SEH1L: variants seen among roughly 807,000 people sequenced by gnomAD.
SEH1L encodes the protein nucleoporin SEH1.
In SEH1L, 18 loss-of-function variants were observed where a neutral mutation model predicts 49.5. The ratio of observed to expected loss-of-function variants is 0.36; its 90% CI spans 0.25 to 0.54. SEH1L has a LOEUF of 0.54. Among genes scored for constraint, SEH1L ranks in the 20% least tolerant of loss-of-function variants. SEH1L has a pLI of 0.87. For missense variants in SEH1L, 404 were observed against 528.8 expected, an observed-to-expected ratio of 0.76 and a Z score of 2.31; for synonymous variants, 169 against 178.1, an observed-to-expected ratio of 0.95 and a Z score of 0.41.
intron 3 of SEH1L, among the ~76,000 whole-genome samples, chr18:12,956,151 T>C (rs1406112039): frequency 6.6e-6 from 1 of 151,630 alleles, no homozygotes; most frequent in Non-Finnish European, 1.5e-5. Flanking sequence ...TTCACGCCAT[T>C]CTCCTACCTC....
At chr18:12,953,827 AT>A (rs1454130650) in intron 2 of SEH1L, among the ~76,000 whole-genome samples, 20 of 152,298 alleles carry the variant, frequency 1.3e-4, no homozygotes, top group Admixed American at 4.6e-4. Context: ...AGCCTAATAT[AT>A]TTCATATGTA....
chr18:12,956,220 A>G (rs1402158643), intron 3 of SEH1L, among the ~76,000 whole-genome samples: 2 of 151,756 alleles, frequency 1.3e-5, no homozygotes, highest in Non-Finnish European at 2.9e-5. Flanking sequence ...AATTTTTTGC[A>G]TTTTTAGTAG....
rs2031225532 is a variant in SEH1L, at chr18:12,962,459, C to CTCT, written c.310-700_310-699insCTT. On this transcript the variant is annotated intron_variant, in intron 3 of 8. Transcript: ENST00000399892. Reference sequence around the variant, plus strand: ...TTGAGAGAAGAAATTGCATGCCTTTCTTTTTTTTTTTTTTTTTTTTTTTTT... The same window carrying CTCT: ...TTGAGAGAAGAAATTGCATGCCTTTCTCTTTTTTTTTTTTTTTTTTTTTTTTTT... Among the ~76,000 whole-genome samples the CTCT allele has an allele frequency of 9.4e-5, 6 of 63,654 alleles. 1 individual carries two copies. Among genetic ancestry groups the CTCT allele is most frequent in the African/African-American group, 3.4e-4 (5 of 14,870 alleles). 41.8% of individuals were successfully genotyped at this position (63,654 alleles called of 152,430 possible).
chr18:12,980,961 G>A (rs1384254318), intron 6 of SEH1L, among the ~76,000 whole-genome samples: 4 of 149,226 alleles, frequency 2.7e-5, no homozygotes, highest in South Asian at 2.1e-4. Flanking sequence ...GCTGCCGGGC[G>A]GAGATGCTCC....
At chr18:12,977,507 C>G (rs2031974888) in intron 5 of SEH1L, 2 of 152,194 alleles carry the variant, frequency 1.3e-5, no homozygotes, top group African/African-American at 4.8e-5. Flanking sequence ...GGTGGATCAC[C>G]TGAGGTCAGG....
At chr18:12,949,723 G>A (rs1301485062) in intron 1 of SEH1L, among the ~76,000 whole-genome samples, 1 of 152,022 alleles carries the variant, frequency 6.6e-6, no homozygotes, top group Admixed American at 6.6e-5. Flanking sequence ...AAAGTGCTAG[G>A]ATTACGGGCG....
At chr18:12,969,589 G>A (rs765064959) in intron 4 of SEH1L, among the ~76,000 whole-genome samples, 7 of 151,946 alleles carry the variant, frequency 4.6e-5, no homozygotes, top group Non-Finnish European at 8.8e-5. Flanking sequence ...TTGGGAGGCC[G>A]AGGCACGAGA....
chr18:12,980,024 G>A (rs1215594164), intron 6 of SEH1L, among the ~76,000 whole-genome samples: 1 of 139,882 alleles, frequency 7.1e-6, no homozygotes, highest in African/African-American at 2.6e-5. Flanking sequence ...CTCCCTCCCG[G>A]ACGGGCGGCT....
At chr18:12,964,025 A>G (rs1422027339) in intron 4 of SEH1L, among the ~76,000 whole-genome samples, 1 of 151,820 alleles carries the variant, frequency 6.6e-6, no homozygotes, top group Admixed American at 6.6e-5. Flanking sequence ...AAACCCTTAC[A>G]TTTTCCTTCC....
chr18:12,951,873 A>T lies in SEH1L; in HGVS notation c.130A>T (p.Ser44Cys), dbSNP rs765557572. The T allele has an allele frequency of 6.3e-7, 1 of 1,577,928 alleles. No homozygotes were observed. The highest frequency in any genetic ancestry group is 8.6e-7 in the Non-Finnish European group (1 of 1,157,602). Reference protein sequence around the residue: ...QSVKVWDKSESGDWHCTASWK... With the variant: ...QSVKVWDKSECGDWHCTASWK... Reference sequence around the variant, plus strand: ...CTTATAGGTCTGGGATAAAAGTGAAAGTGGTGATTGGCATTGTACTGCTAG... The same window carrying T: ...CTTATAGGTCTGGGATAAAAGTGAATGTGGTGATTGGCATTGTACTGCTAG... Residue 44 changes from serine to cysteine, a missense_variant, in exon 2 of 9, where the codon AGT (serine) becomes TGT (cysteine). Physicochemically the swap from Ser to Cys is moderately radical, Grantham distance 112. Around this residue, in one of 3 missense-constraint regions of SEH1L, gnomAD observed 57 missense variants for 71.9 expected, o/e 0.79. Coordinates refer to ENST00000399892, the MANE Select transcript of SEH1L (RefSeq NM_001013437.2).
At chr18:12,949,174 A>G (rs2030334160) in intron 1 of SEH1L, among the ~76,000 whole-genome samples, 1 of 151,050 alleles carries the variant, frequency 6.6e-6, no homozygotes, top group Non-Finnish European at 1.5e-5. Flanking sequence ...GCCTACAAGC[A>G]GAATTTCTAA....
intron 8 of SEH1L, chr18:12,985,492 T>C (rs1455538690): frequency 6.4e-6 from 8 of 1,250,208 alleles, no homozygotes; most frequent in Non-Finnish European, 8.0e-6. Flanking sequence ...AGGCTTTCTG[T>C]TGAGACATTG....
chr18:12,980,860 C>T (rs1435891303), intron 6 of SEH1L, among the ~76,000 whole-genome samples: 4 of 136,614 alleles, frequency 2.9e-5, no homozygotes, highest in Admixed American at 7.2e-5. Context: ...GGCGGCTGGC[C>T]GGGCGGGGGG....
At position 12,982,408 on chromosome 18, in the gene SEH1L, A is replaced by T. The variant is rs79766921; in HGVS notation, c.762-110A>T. 2.0e-4 allele frequency: 145 copies of T among 742,804 alleles called. 1 individual carries two copies. In the East Asian group the frequency reaches 4.1e-3, roughly 21 times the overall value. The allele number at this position is 742,804 out of a possible 1,614,324, so 46.0% of individuals were successfully genotyped here. ...TATTATAAAGTGATGTGGTGGCGAG[A>T]CCACTTGTATTAATTTAGAATTTTA... On this transcript the variant is annotated intron_variant, in intron 6 of 8. Transcript: ENST00000399892.
At chr18:12,966,471 C>T (rs2031459471) in intron 4 of SEH1L, among the ~76,000 whole-genome samples, 1 of 152,158 alleles carries the variant, frequency 6.6e-6, no homozygotes, top group Admixed American at 6.5e-5. Flanking sequence ...AGTGCAGTGG[C>T]ACTCCCTGGA....
chr18:12,957,114 A>G (rs1568212194), intron 3 of SEH1L, among the ~76,000 whole-genome samples: 1 of 151,588 alleles, frequency 6.6e-6, no homozygotes. Flanking sequence ...TTTTGTGGTT[A>G]CTTTTGTTTT....
intron 4 of SEH1L, among the ~76,000 whole-genome samples, chr18:12,969,972 AATT>A (rs2031625712): frequency 6.6e-6 from 1 of 152,198 alleles, no homozygotes; most frequent in South Asian, 2.1e-4. Context: ...AATGGCCAAA[AATT>A]ATTATAAATA....
intron 4 of SEH1L, among the ~76,000 whole-genome samples, chr18:12,963,914 T>C (rs182904559): frequency 3.3e-5 from 5 of 152,348 alleles, no homozygotes; most frequent in African/African-American, 1.2e-4. Context: ...GGTTTTACCA[T>C]GTTGGCCAGA....
intron 5 of SEH1L, chr18:12,971,895 C>T (rs3976787): frequency 0.35 from 53,903 of 151,992 alleles, 9,967 homozygotes; most frequent in Middle Eastern, 0.47. Context: ...GTGGTAAGGC[C>T]GTGAGCAAGA....
Sources: allele counts gnomAD v4.1 joint callset (sites outside exome capture counted in the v4.1 genomes callset), GRCh38; gene constraint gnomAD v4.1.1; regional missense constraint gnomAD v4.1.1; transcripts MANE v1.5; gene names NCBI Gene and HGNC (gene_info 2026-07-23, HGNC 2026-07-21).